The following NSMCE2 variants were observed in gnomAD, a reference collection of about 807,000 sequenced individuals.
NSMCE2 encodes NSE2 SUMO ligase component of SMC5/6 complex, also known as E3 SUMO-protein ligase NSE2.
A neutral mutation model predicts 23.8 loss-of-function variants in NSMCE2; 24 were observed. The ratio of observed to expected loss-of-function variants is 1.01; its 90% confidence interval spans 0.73 to 1.42. The LOEUF (loss-of-function observed/expected upper bound fraction) is 1.42. Among genes scored for constraint, NSMCE2 ranks in the 40% most tolerant of loss-of-function variants. The pLI, the probability that NSMCE2 is intolerant of heterozygous loss-of-function variation, is 0.00. For synonymous variants in NSMCE2, 92 were observed against 94.1 expected, an observed-to-expected ratio of 0.98 and a Z score of 0.13; for missense variants, 284 against 296.5, an observed-to-expected ratio of 0.96 and a Z score of 0.31.
chr8:125,148,190 A>G (rs941089030), intron 3 of NSMCE2, among the ~76,000 whole-genome samples: 5 of 152,072 alleles, frequency 3.3e-5, no homozygotes, highest in African/African-American at 1.2e-4. Context: ...TGGAGCCTGA[A>G]CTGAGGCTGC....
chr8:125,107,267 A>T (rs1313650494), intron 3 of NSMCE2, among the ~76,000 whole-genome samples: 2 of 146,500 alleles, frequency 1.4e-5, no homozygotes, highest in African/African-American at 5.1e-5. Flanking sequence ...GCTCACTGCA[A>T]CCTCCGCCTC....
At chr8:125,304,100 C>A (rs1267142692) in intron 5 of NSMCE2, among the ~76,000 whole-genome samples, 1 of 152,184 alleles carries the variant, frequency 6.6e-6, no homozygotes, top group Non-Finnish European at 1.5e-5. Context: ...AGGATAAAGT[C>A]AAACGTGGCT....
At chr8:125,103,003 C>T (rs1161249474) in intron 3 of NSMCE2, among the ~76,000 whole-genome samples, 1 of 152,162 alleles carries the variant, frequency 6.6e-6, no homozygotes, top group East Asian at 1.9e-4. Flanking sequence ...TGCAGTGGCT[C>T]ACCCCTGTAA....
At chr8:125,260,140 C>T (rs1402076910) in intron 5 of NSMCE2, among the ~76,000 whole-genome samples, 1 of 152,192 alleles carries the variant, frequency 6.6e-6, no homozygotes, top group East Asian at 1.9e-4. Flanking sequence ...ACACACCCTA[C>T]TACACGACTC....
chr8:125,151,864 G>A (rs977165683), intron 4 of NSMCE2, among the ~76,000 whole-genome samples: 1 of 152,166 alleles, frequency 6.6e-6, no homozygotes, highest in Non-Finnish European at 1.5e-5. Context: ...TAAGAAATGA[G>A]CAATACGATT....
chr8:125,337,337 ACT>A (rs1387068906), intron 5 of NSMCE2, among the ~76,000 whole-genome samples: 2 of 152,038 alleles, frequency 1.3e-5, no homozygotes, highest in African/African-American at 4.8e-5. Context: ...TAGTCCATTG[ACT>A]CTTATAAAAT....
At chr8:125,100,289 TA>T (rs781626713) in intron 1 of NSMCE2, among the ~76,000 whole-genome samples, 4 of 152,144 alleles carry the variant, frequency 2.6e-5, no homozygotes, top group Middle Eastern at 3.2e-3. Context: ...TTGTCTTATG[TA>T]CTCTGCAATG....
chr8:125,294,438 A>T (rs1031280496), intron 5 of NSMCE2, among the ~76,000 whole-genome samples: 3 of 152,138 alleles, frequency 2.0e-5, no homozygotes, highest in African/African-American at 7.2e-5. Context: ...GAGGGTTCCA[A>T]TTGCTCCGCG....
At chr8:125,344,509 C>T (rs954283188) in intron 5 of NSMCE2, among the ~76,000 whole-genome samples, 3 of 152,072 alleles carry the variant, frequency 2.0e-5, no homozygotes, top group African/African-American at 7.2e-5. Context: ...TTTGGGAGGC[C>T]GAGGTGGGCA....
chr8:125,150,434 T>C (rs1223143495), intron 3 of NSMCE2, among the ~76,000 whole-genome samples: 3 of 118,268 alleles, frequency 2.5e-5, no homozygotes, highest in Admixed American at 1.5e-4. Flanking sequence ...TTCTTTTTTT[T>C]TTTTTTTTTT....
intron 5 of NSMCE2, among the ~76,000 whole-genome samples, chr8:125,226,326 C>T (rs1164518024): frequency 2.0e-5 from 3 of 152,126 alleles, no homozygotes; most frequent in Non-Finnish European, 2.9e-5. Flanking sequence ...GGAAGGTGAC[C>T]GTACAGTTAT....
At chr8:125,151,651 A>T (rs1467060606) in intron 4 of NSMCE2, among the ~76,000 whole-genome samples, 1 of 152,196 alleles carries the variant, frequency 6.6e-6, no homozygotes, top group Non-Finnish European at 1.5e-5. Context: ...TCATTCTCTA[A>T]CTTTAATATG....
chr8:125,278,709 T>C (rs1827571216), intron 5 of NSMCE2, among the ~76,000 whole-genome samples: 1 of 152,176 alleles, frequency 6.6e-6, no homozygotes, highest in Non-Finnish European at 1.5e-5. Flanking sequence ...TTTTTGTCTT[T>C]TGGATATTGT....
intron 3 of NSMCE2, among the ~76,000 whole-genome samples, chr8:125,118,117 A>G (rs1819105452): frequency 6.6e-6 from 1 of 152,078 alleles, no homozygotes; most frequent in Admixed American, 6.6e-5. Context: ...TAGGAGGCCG[A>G]GGCGGGCGGA....
At chr8:125,290,975 C>T (rs1021401671) in intron 5 of NSMCE2, among the ~76,000 whole-genome samples, 2 of 152,156 alleles carry the variant, frequency 1.3e-5, no homozygotes, top group Admixed American at 6.5e-5. Flanking sequence ...AATAGGCATT[C>T]AGTAAATATT....
chr8:125,289,821 T>A (rs1828039052), intron 5 of NSMCE2, among the ~76,000 whole-genome samples: 1 of 152,248 alleles, frequency 6.6e-6, no homozygotes, highest in Non-Finnish European at 1.5e-5. Flanking sequence ...AGTTAGCAGT[T>A]GTTAATCACA....
chr8:125,293,937 T>A (rs538769699), intron 5 of NSMCE2, among the ~76,000 whole-genome samples: 10 of 152,344 alleles, frequency 6.6e-5, no homozygotes, highest in African/African-American at 2.4e-4. Context: ...AGAAATCCTG[T>A]ATAATCCTGT....
chr8:125,231,977 C>T (rs1825341872), intron 5 of NSMCE2, among the ~76,000 whole-genome samples: 1 of 152,200 alleles, frequency 6.6e-6, no homozygotes, highest in Non-Finnish European at 1.5e-5. Flanking sequence ...TCACCTGACT[C>T]CTCTGAACCT....
rs116657398 is a variant in NSMCE2, at chr8:125,279,171, C to T, written c.419-78048C>T. Among the ~76,000 whole-genome samples the T allele has an allele frequency of 6.0e-3, 907 of 152,192 alleles. 10 individuals carry two copies. Among genetic ancestry groups the T allele is most frequent in the African/African-American group, 0.02 (811 of 41,516 alleles). ...TTCCACTCTTATTACAAAGCTATGT[C>T]GGATAAATATTTTGATAGATGTGGT... On this transcript the variant is annotated intron_variant, in intron 5 of 7. Transcript: ENST00000287437.
Sources: allele counts gnomAD v4.1 joint callset (sites outside exome capture counted in the v4.1 genomes callset), GRCh38; gene constraint gnomAD v4.1.1; transcripts MANE v1.5; gene names NCBI Gene and HGNC (gene_info 2026-07-23, HGNC 2026-07-21).